The following MPZL1 variants were observed in gnomAD, a reference collection of about 807,000 sequenced individuals.
MPZL1 encodes myelin protein zero like 1, also known as myelin protein zero-like protein 1.
A neutral mutation model predicts 29.3 loss-of-function variants in MPZL1; 16 were observed. The ratio of observed to expected loss-of-function variants is 0.55; its 90% CI spans 0.37 to 0.83. MPZL1 has a LOEUF of 0.83. MPZL1 is among the 40% of genes least tolerant of loss of function. The pLI is 0.00. For missense variants in MPZL1, 279 were observed against 332.9 expected (o/e 0.84, Z 1.26); for synonymous variants, 143 against 132.0 (o/e 1.08, Z -0.57).
Position 167,791,874 on chromosome 1 carries a change from C to A in MPZL1, c.*3953C>A, listed in dbSNP as rs1661722872. The A allele has an allele frequency of 6.6e-6, 1 of 152,184 alleles. No homozygotes were observed. The highest frequency in any genetic ancestry group is 6.5e-5 in the Admixed American group (1 of 15,278). 9.4% of individuals were successfully genotyped at this position (152,184 alleles called of 1,614,324 possible). A position where few individuals can be genotyped will look rare whatever the true frequency, so the allele number is the denominator to read the frequency against. ...ATGTGGTGACTTAATTTGTTGAGAA[C>A]TATGTTACAAATAATGTGTTACTAA... On this transcript the variant is annotated 3_prime_UTR_variant, in exon 6 of 6. Transcript: ENST00000359523.
intron 1 of MPZL1, among the ~76,000 whole-genome samples, chr1:167,739,827 C>A (rs7518652): frequency 0.18 from 27,054 of 152,156 alleles, 2,626 homozygotes; most frequent in African/African-American, 0.24. Context: ...TCAGAACCTC[C>A]TTACCAGAAA....
chr1:167,762,369 G>A (rs533501125), intron 1 of MPZL1, among the ~76,000 whole-genome samples: 2 of 152,330 alleles, frequency 1.3e-5, no homozygotes, highest in African/African-American at 4.8e-5. Flanking sequence ...ACTGAACAAA[G>A]AATGAACTGC....
chr1:167,786,350 G>A (rs4657716), intron 5 of MPZL1, among the ~76,000 whole-genome samples: 86,273 of 152,062 alleles, frequency 0.57, 25,413 homozygotes, highest in African/African-American at 0.72. Context: ...ATTAAGTACT[G>A]TCTGTGAGAC....
intron 2 of MPZL1, among the ~76,000 whole-genome samples, chr1:167,772,024 G>A (rs568768420): frequency 9.2e-5 from 14 of 151,910 alleles, no homozygotes; most frequent in African/African-American, 2.9e-4. Context: ...TCGGCAGCCC[G>A]AGGCAGGAGA....
intron 5 of MPZL1, 51 bp downstream of exon 5, chr1:167,776,217 G>A (rs760913309): frequency 2.2e-6 from 3 of 1,342,562 alleles, no homozygotes; most frequent in East Asian, 2.4e-5. Context: ...ACAGCTTGGT[G>A]CTCTGTCACT....
At chr1:167,776,578 A>G (rs986318195) in intron 5 of MPZL1, among the ~76,000 whole-genome samples, 40 of 152,342 alleles carry the variant, frequency 2.6e-4, no homozygotes, top group Admixed American at 8.5e-4. Flanking sequence ...TAGTATTGAT[A>G]ATAAAACCAA....
chr1:167,755,968 T>G (rs1660861192), intron 1 of MPZL1, among the ~76,000 whole-genome samples: 2 of 151,924 alleles, frequency 1.3e-5, no homozygotes, highest in Non-Finnish European at 2.9e-5. Flanking sequence ...GGCTTTAGAG[T>G]CAAGTGATTA....
chr1:167,758,595 G>A (rs1660919033), intron 1 of MPZL1, among the ~76,000 whole-genome samples: 1 of 151,218 alleles, frequency 6.6e-6, no homozygotes, highest in Admixed American at 6.6e-5. Context: ...ATTACATTTT[G>A]AATATCCTTT....
chr1:167,729,741 C>T (rs1233302694), intron 1 of MPZL1, among the ~76,000 whole-genome samples: 1 of 152,228 alleles, frequency 6.6e-6, no homozygotes, highest in Non-Finnish European at 1.5e-5. Context: ...GGGCATAGAA[C>T]TAGGTTCATG....
At chr1:167,726,114 C>A (rs1660140466) in intron 1 of MPZL1, among the ~76,000 whole-genome samples, 1 of 152,224 alleles carries the variant, frequency 6.6e-6, no homozygotes, top group South Asian at 2.1e-4. Context: ...TCAACTTGTA[C>A]CACCCACCAC....
At chr1:167,778,051 G>A (rs1269729712) in intron 5 of MPZL1, among the ~76,000 whole-genome samples, 6 of 152,168 alleles carry the variant, frequency 3.9e-5, no homozygotes, top group African/African-American at 1.2e-4. Flanking sequence ...GGCCTGGTGC[G>A]GTGGCTCACG....
chr1:167,786,347 A>G (rs1313868094), intron 5 of MPZL1, among the ~76,000 whole-genome samples: 1 of 152,228 alleles, frequency 6.6e-6, no homozygotes, highest in Non-Finnish European at 1.5e-5. Flanking sequence ...TGTATTAAGT[A>G]CTGTCTGTGA....
intron 2 of MPZL1, among the ~76,000 whole-genome samples, chr1:167,767,921 C>T (rs1177355295): frequency 2.0e-5 from 3 of 151,228 alleles, no homozygotes; most frequent in African/African-American, 7.3e-5. Context: ...CTTCCCTGTC[C>T]CTTACCACTT....
At chr1:167,781,613 GA>G (rs538338848) in intron 5 of MPZL1, among the ~76,000 whole-genome samples, 19 of 146,884 alleles carry the variant, frequency 1.3e-4, no homozygotes, top group African/African-American at 4.7e-4. Context: ...GTTTATATTA[GA>G]AAAAAATAAA....
chr1:167,748,301 A>G (rs950547567), intron 1 of MPZL1, among the ~76,000 whole-genome samples: 1 of 152,110 alleles, frequency 6.6e-6, no homozygotes, highest in Non-Finnish European at 1.5e-5. Context: ...CTCTCCAGCT[A>G]CTGGTTAGTG....
chr1:167,730,318 G>A (rs890648979), intron 1 of MPZL1, among the ~76,000 whole-genome samples: 3 of 151,226 alleles, frequency 2.0e-5, no homozygotes, highest in African/African-American at 7.3e-5. Flanking sequence ...TCTTGATATG[G>A]CCCAGGCTGG....
chr1:167,723,745 T>A (rs1222605615), intron 1 of MPZL1, among the ~76,000 whole-genome samples: 1 of 152,226 alleles, frequency 6.6e-6, no homozygotes, highest in East Asian at 1.9e-4. Flanking sequence ...GACGTAACTC[T>A]TCAGTAATGA....
intron 3 of MPZL1, 121 bp from the exon 4 acceptor site, chr1:167,773,115 T>G: frequency 1.0e-6 from 1 of 971,704 alleles, no homozygotes; most frequent in African/African-American, 1.6e-5. Context: ...TCTCATAGTT[T>G]GGATAATAAA....
intron 1 of MPZL1, among the ~76,000 whole-genome samples, chr1:167,738,308 G>A (rs1469404814): frequency 6.6e-6 from 1 of 152,018 alleles, no homozygotes; most frequent in African/African-American, 2.4e-5. Context: ...TATTTAGTAC[G>A]CTAATGTTGA....
Sources: allele counts gnomAD v4.1 joint callset (sites outside exome capture counted in the v4.1 genomes callset), GRCh38; gene constraint gnomAD v4.1.1; transcripts MANE v1.5; gene names NCBI Gene and HGNC (gene_info 2026-07-23, HGNC 2026-07-21).